PIGB: variants seen among roughly 807,000 people sequenced by gnomAD.
PIGB encodes phosphatidylinositol glycan anchor biosynthesis class B, also known as GPI alpha-1,2-mannosyltransferase 3.
PIGB carries 58 observed loss-of-function variants against 68.4 expected under a neutral mutation model. The observed-to-expected ratio is 0.85, with a 90% CI of 0.69 to 1.06. The LOEUF (loss-of-function observed/expected upper bound fraction) is 1.06. Ranked by LOEUF, PIGB falls within the 50% of genes least tolerant of loss-of-function variation. The pLI, the probability that PIGB is intolerant of heterozygous loss-of-function variation, is 0.00. For synonymous variants in PIGB, 219 were observed against 220.5 expected (o/e 0.99, Z 0.06); for missense variants, 634 against 655.8 (o/e 0.97, Z 0.36).
intron 2 of PIGB, among the ~76,000 whole-genome samples, chr15:55,320,641 AAG>A (rs892094398): frequency 6.6e-6 from 1 of 152,216 alleles, no homozygotes; most frequent in Non-Finnish European, 1.5e-5. Flanking sequence ...TAGGTACAGT[AAG>A]AGATTAACAG....
At chr15:55,322,793 G>A (rs2055196622) in intron 3 of PIGB, among the ~76,000 whole-genome samples, 1 of 152,144 alleles carries the variant, frequency 6.6e-6, no homozygotes, top group Admixed American at 6.6e-5. Context: ...TTAACAACAG[G>A]CAGAATTTAG....
At chr15:55,348,933 G>C (rs928164758) in intron 9 of PIGB, among the ~76,000 whole-genome samples, 3 of 152,146 alleles carry the variant, frequency 2.0e-5, no homozygotes, top group African/African-American at 7.2e-5. Context: ...ACAGATGGTT[G>C]AACTTTTAGA....
chr15:55,327,979 A>G (rs2055330864), intron 4 of PIGB, among the ~76,000 whole-genome samples: 1 of 152,180 alleles, frequency 6.6e-6, no homozygotes, highest in Non-Finnish European at 1.5e-5. Flanking sequence ...CTCACAAAGC[A>G]TCTTAGCTAT....
chr15:55,345,606 A>G (rs1486706268), intron 9 of PIGB, among the ~76,000 whole-genome samples: 1 of 152,178 alleles, frequency 6.6e-6, no homozygotes, highest in Non-Finnish European at 1.5e-5. Context: ...TAAAAATACA[A>G]AAATTAGCTG....
At chr15:55,339,929 T>C (rs2055624790) in intron 7 of PIGB, 1 of 152,318 alleles carries the variant, frequency 6.6e-6, no homozygotes, top group Non-Finnish European at 1.5e-5. Context: ...TGTACATTGC[T>C]TGGGTGATGG....
At chr15:55,321,889 T>C (rs1372162331) in intron 3 of PIGB, among the ~76,000 whole-genome samples, 1 of 138,242 alleles carries the variant, frequency 7.2e-6, no homozygotes, top group Admixed American at 7.2e-5. Context: ...CGACCTGAGG[T>C]GATCTGCCCG....
chr15:55,346,590 T>C (rs1024293202), intron 9 of PIGB: 1 of 152,218 alleles, frequency 6.6e-6, no homozygotes, highest in Admixed American at 6.5e-5. Flanking sequence ...GTTGTTACTA[T>C]GTGAAAGGAA....
At chr15:55,332,046 C>T (rs898602889) in intron 5 of PIGB, among the ~76,000 whole-genome samples, 17 of 151,824 alleles carry the variant, frequency 1.1e-4, no homozygotes, top group African/African-American at 3.4e-4. Context: ...GGCTCCATCT[C>T]GGCCCACTGC....
intron 3 of PIGB, 129 bp downstream of exon 3, chr15:55,321,519 C>G: frequency 1.6e-6 from 1 of 636,034 alleles, no homozygotes; most frequent in Admixed American, 3.4e-5. Flanking sequence ...ATGTGTAACT[C>G]TTTAGTTTGT....
At chr15:55,340,527 G>T in intron 7 of PIGB, 85 bp from the exon 8 acceptor site, 4 of 736,416 alleles carry the variant, frequency 5.4e-6, no homozygotes, top group South Asian at 2.0e-5. Flanking sequence ...CTGATTTAAT[G>T]TCAAAATTGT....
chr15:55,340,382 C>G (rs184646082), intron 7 of PIGB: 1 of 229,898 alleles, frequency 4.3e-6, no homozygotes, highest in Admixed American at 5.6e-5. Context: ...CGTGAACCCG[C>G]GAGGCGGAGC....
chr15:55,355,116 A>C (rs1328521785), intron 11 of PIGB, 138 bp downstream of exon 11: 1 of 908,426 alleles, frequency 1.1e-6, no homozygotes, highest in Non-Finnish European at 1.7e-6. Flanking sequence ...TTCTCCAGTC[A>C]AAATTAGCCC....
At chr15:55,332,603 C>T (rs2055443298) in intron 5 of PIGB, among the ~76,000 whole-genome samples, 1 of 151,194 alleles carries the variant, frequency 6.6e-6, no homozygotes, top group African/African-American at 2.4e-5. Flanking sequence ...GAACTCCTGA[C>T]TTCAGGTGAT....
chr15:55,319,587 G>A (rs1005944189), intron 1 of PIGB, 174 bp downstream of exon 1: 1 of 562,584 alleles, frequency 1.8e-6, no homozygotes. Flanking sequence ...TTAAATGTTG[G>A]CAACTAAATT....
At position 55,333,997 on chromosome 15, in the gene PIGB, T is replaced by G; in HGVS notation, c.784T>G (p.Leu262Val). The change falls in exon 6 of 12, where the codon TTA (leucine) becomes GTA (valine). Residue 262 changes from leucine (L) to valine (V), a missense_variant. Transcript: ENST00000164305. Reference protein sequence around the residue: ...RKLDLILHHFLPVGFVTLSLS... With the variant: ...RKLDLILHHFVPVGFVTLSLS... The stretch of plus-strand genomic sequence containing the variant: ...GCTTGATCTTATTCTACATCATTTT[T>G]TACCTGTAGGGTAAGTGTGGCAATA... 6.2e-7 allele frequency: 1 copy of G among 1,601,378 alleles called. No homozygotes were observed. Among genetic ancestry groups the G allele is most frequent in the Non-Finnish European group, 8.5e-7 (1 of 1,174,364 alleles).
chr15:55,325,830 C>A (rs763626974), intron 3 of PIGB, among the ~76,000 whole-genome samples: 1 of 151,350 alleles, frequency 6.6e-6, no homozygotes, highest in African/African-American at 2.4e-5. Context: ...GCAGGAGAAT[C>A]GCTTGAACCT....
rs1328777238 is a variant in PIGB at position 55,350,903 on chromosome 15, C to T, written c.1328C>T (p.Pro443Leu). 1.9e-6 allele frequency: 3 copies of T among 1,538,964 alleles called. No homozygotes were observed. The highest frequency in any genetic ancestry group is 2.7e-6 in the Non-Finnish European group (3 of 1,114,782). The change falls in exon 10 of 12, where the codon CCT (proline) becomes CTT (leucine). Residue 443 changes from proline (P) to leucine (L), a missense_variant. Physicochemically the swap from Pro to Leu is moderately conservative, Grantham distance 98. Transcript: ENST00000164305. ...IFIMMPCHST[P>L]YYSHVHCPLP... The stretch of plus-strand genomic sequence containing the variant: ...ATAATGATGCCTTGCCACTCTACTC[C>T]TTATTACAGGTAATAAAAGATGTTC...
At chr15:55,320,605 A>G (rs532367941) in intron 2 of PIGB, among the ~76,000 whole-genome samples, 195 bp downstream of exon 2, 3 of 152,180 alleles carry the variant, frequency 2.0e-5, no homozygotes, top group Admixed American at 6.5e-5. Context: ...AAATACACAC[A>G]CGCTTATGAT....
intron 6 of PIGB, among the ~76,000 whole-genome samples, chr15:55,337,189 T>C (rs569805081): frequency 2.6e-4 from 39 of 152,354 alleles, no homozygotes; most frequent in South Asian, 1.0e-3. Context: ...TACTATACTA[T>C]ACATCCACCC....
Sources: gnomAD v4.1 joint callset for allele counts (sites outside exome capture counted in the v4.1 genomes callset) on GRCh38, gnomAD v4.1.1 for gene constraint, MANE v1.5 for transcripts, NCBI Gene and HGNC (gene_info 2026-07-23, HGNC 2026-07-21) for gene names.